The following DCAF6 variants were observed in gnomAD, a reference collection of about 807,000 sequenced individuals.
DCAF6 encodes DDB1- and CUL4-associated factor 6.
Under a neutral mutation model 125.1 loss-of-function variants are expected in DCAF6, and 54 were observed. The ratio of observed to expected loss-of-function variants is 0.43; its 90% CI spans 0.35 to 0.54. The LOEUF is 0.54. Ranked by LOEUF, DCAF6 falls within the 20% of genes least tolerant of loss-of-function variation. The probability of loss-of-function intolerance (pLI) is 0.01; values close to 1 mark genes in which losing one functional copy is unlikely to be tolerated. For missense variants in DCAF6, 934 were observed against 1,161.7 expected (o/e 0.80, Z 2.85); for synonymous variants, 371 against 390.4 (o/e 0.95, Z 0.58).
chr1:168,032,173 T>C (rs922508391), intron 12 of DCAF6, among the ~76,000 whole-genome samples: 4 of 152,352 alleles, frequency 2.6e-5, no homozygotes, highest in African/African-American at 9.6e-5. Context: ...CTAATAAATA[T>C]CTGTACTAAA....
chr1:168,032,642 G>A (rs1169343310), intron 12 of DCAF6, among the ~76,000 whole-genome samples: 2 of 152,056 alleles, frequency 1.3e-5, no homozygotes, highest in African/African-American at 4.8e-5. Flanking sequence ...ATAATGAAGT[G>A]GGAATTAGAA....
chr1:167,918,718 C>G, the DCAF6 span, among the ~76,000 whole-genome samples: 4 of 151,554 alleles, frequency 2.6e-5, no homozygotes, highest in South Asian at 8.4e-4. Context: ...CTCAGCCCCC[C>G]GAGTAGCTGG....
intron 12 of DCAF6, among the ~76,000 whole-genome samples, chr1:168,030,813 A>G (rs910145430): frequency 2.6e-5 from 4 of 152,242 alleles, no homozygotes; most frequent in Non-Finnish European, 5.9e-5. Flanking sequence ...TAGGTTATAC[A>G]TTTATTTATA....
chr1:168,012,418 T>G (rs1378265018), intron 10 of DCAF6, among the ~76,000 whole-genome samples: 1 of 152,234 alleles, frequency 6.6e-6, no homozygotes, highest in Non-Finnish European at 1.5e-5. Flanking sequence ...TGTGGCAGTT[T>G]ATAATACCTT....
Position 168,015,849 on chromosome 1 carries a change from G to A in DCAF6, c.1447G>A (p.Glu483Lys). 6.5e-7 allele frequency: 1 copy of A among 1,540,488 alleles called. No homozygotes were observed. The highest frequency in any genetic ancestry group is 8.8e-7 in the Non-Finnish European group (1 of 1,141,916). ...GCAACAACTGAGGCTTAAGAAGGCTGAGCAGCAGAGGCAGCAAGAGCTAGC... is the reference window on the plus strand; with the variant it reads ...GCAACAACTGAGGCTTAAGAAGGCTAAGCAGCAGAGGCAGCAAGAGCTAGC... ...RLQQLRLKKA[E>K]QQRQQELAAH... The change falls in exon 11 of 22, where the codon GAG (glutamate) becomes AAG (lysine). Residue 483 changes from glutamate to lysine, a missense_variant. Physicochemically the swap from Glu to Lys is moderately conservative, Grantham distance 56 (BLOSUM62 1). Around this residue, in one of 5 missense-constraint regions of DCAF6, gnomAD observed 559 missense variants for 635.5 expected, o/e 0.88. Transcript: ENST00000367840.
chr1:167,909,257 T>C, the DCAF6 span, among the ~76,000 whole-genome samples: 1 of 152,188 alleles, frequency 6.6e-6, no homozygotes, highest in African/African-American at 2.4e-5. Context: ...TGATGGAATA[T>C]ACCACAAAAC....
At chr1:167,958,341 TTTTG>T (rs1675081320) in intron 2 of DCAF6, among the ~76,000 whole-genome samples, 2 of 151,962 alleles carry the variant, frequency 1.3e-5, no homozygotes, top group East Asian at 1.9e-4. Context: ...AGGTGTTTTT[TTTTG>T]TTTTTTTTTT....
the DCAF6 span, among the ~76,000 whole-genome samples, chr1:167,895,235 C>T: frequency 6.6e-6 from 1 of 151,014 alleles, no homozygotes; most frequent in African/African-American, 2.4e-5. Flanking sequence ...CAAAGTAAGG[C>T]CTGAAGAAAC....
intron 12 of DCAF6, among the ~76,000 whole-genome samples, chr1:168,026,875 T>G (rs1686409773): frequency 6.6e-6 from 1 of 151,026 alleles, no homozygotes; most frequent in African/African-American, 2.4e-5. Flanking sequence ...ACCATGGGAG[T>G]GGATGAGATT....
At chr1:168,031,113 A>C (rs542801945) in intron 12 of DCAF6, among the ~76,000 whole-genome samples, 2 of 152,330 alleles carry the variant, frequency 1.3e-5, no homozygotes, top group African/African-American at 4.8e-5. Flanking sequence ...TCAAGAAAGA[A>C]ATTTGGGAGA....
At chr1:167,925,445 A>ATATATATC in the DCAF6 span, among the ~76,000 whole-genome samples, 25 of 70,914 alleles carry the variant, frequency 3.5e-4, no homozygotes, top group African/African-American at 1.3e-3. Flanking sequence ...ATATACACAT[A>ATATATATC]TATATATATA....
chr1:168,004,736 G>A lies in DCAF6; in HGVS notation c.1321G>A (p.Asp441Asn), dbSNP rs1683113232. Residue 441 changes from aspartate (D) to asparagine (N), a missense_variant, in exon 10 of 22, where the codon GAC (aspartate) becomes AAC (asparagine). Physicochemically the swap from Asp to Asn is conservative, Grantham distance 23 (BLOSUM62 1). Transcript: ENST00000367840. The stretch of plus-strand genomic sequence containing the variant: ...TTCTACTCCTTTGCTATCTTCTCCA[G>A]ACAGTGAACAAAGGCAGTCTGTTGA... ...PHSTPLLSSP[D>N]SEQRQSVEAS... 1 of 1,613,926 alleles carries A rather than the reference G, an allele frequency of 6.2e-7. No homozygotes were observed. The highest frequency in any genetic ancestry group is 8.5e-7 in the Non-Finnish European group (1 of 1,179,892).
intron 1 of DCAF6, among the ~76,000 whole-genome samples, chr1:167,937,859 ACT>A (rs1190712619): frequency 6.6e-6 from 1 of 151,548 alleles, no homozygotes; most frequent in East Asian, 1.9e-4. Flanking sequence ...ACTCTTCATT[ACT>A]CTTTCTTTCT....
chr1:167,990,388 A>G (rs765413251), intron 5 of DCAF6, among the ~76,000 whole-genome samples: 2 of 152,186 alleles, frequency 1.3e-5, no homozygotes, highest in Non-Finnish European at 2.9e-5. Context: ...TATGAATACT[A>G]TATAAATAAT....
chr1:167,937,813 G>A (rs1456999199), intron 1 of DCAF6, among the ~76,000 whole-genome samples: 1 of 152,006 alleles, frequency 6.6e-6, no homozygotes, highest in Non-Finnish European at 1.5e-5. Flanking sequence ...AAAAATGGAC[G>A]TACTTAGTAA....
chr1:167,876,562 C>T, the DCAF6 span, among the ~76,000 whole-genome samples: 2 of 152,190 alleles, frequency 1.3e-5, no homozygotes, highest in Admixed American at 6.5e-5. Flanking sequence ...TGGTCTTCCC[C>T]ACTTGATTGT....
the DCAF6 span, among the ~76,000 whole-genome samples, chr1:167,894,195 G>A: frequency 3.9e-5 from 6 of 152,162 alleles, no homozygotes; most frequent in African/African-American, 9.7e-5. Context: ...GACGCTTTGG[G>A]ACTTAGGGAG....
the DCAF6 span, among the ~76,000 whole-genome samples, chr1:167,905,479 G>A: frequency 6.6e-6 from 1 of 152,132 alleles, no homozygotes; most frequent in African/African-American, 2.4e-5. Context: ...GCCCTCGCAG[G>A]GCAAGTCCAG....
intron 2 of DCAF6, among the ~76,000 whole-genome samples, chr1:167,960,081 T>C (rs1024029365): frequency 1.3e-5 from 2 of 151,928 alleles, no homozygotes; most frequent in African/African-American, 4.8e-5. Context: ...TTTTATTTTT[T>C]TTGCATGTGA....
Sources: allele counts gnomAD v4.1 joint callset (sites outside exome capture counted in the v4.1 genomes callset), GRCh38; gene constraint gnomAD v4.1.1; regional missense constraint gnomAD v4.1.1; transcripts MANE v1.5; gene names NCBI Gene and HGNC (gene_info 2026-07-23, HGNC 2026-07-21).